CHSY1: variants seen among roughly 807,000 people sequenced by gnomAD.
CHSY1 encodes N-acetylgalactosaminyl-proteoglycan 3-beta-glucuronosyltransferase 1.
In CHSY1, 13 loss-of-function variants were observed where a neutral mutation model predicts 59.8. The observed-to-expected ratio is 0.22, with a 90% CI of 0.14 to 0.35. The LOEUF (loss-of-function observed/expected upper bound fraction) is 0.35. CHSY1 is among the 10% of genes least tolerant of loss of function. The pLI, the probability that CHSY1 is intolerant of heterozygous loss-of-function variation, is 1.00. For synonymous variants in CHSY1, 459 were observed against 401.2 expected (o/e 1.14, Z -1.72); for missense variants, 947 against 1,030.6 (o/e 0.92, Z 1.11).
chr15:101,232,449 C>A (rs2038901255), intron 2 of CHSY1, among the ~76,000 whole-genome samples: 1 of 152,136 alleles, frequency 6.6e-6, no homozygotes, highest in African/African-American at 2.4e-5. Flanking sequence ...AATCAAAGGT[C>A]TAATAAGATG....
chr15:101,234,204 G>A (rs1179259837), intron 2 of CHSY1, among the ~76,000 whole-genome samples: 1 of 152,188 alleles, frequency 6.6e-6, no homozygotes, highest in African/African-American at 2.4e-5. Flanking sequence ...GAAGTTGCAC[G>A]ACAACTATTC....
In CHSY1 at chr15:101,215,545, G is replaced by C. The variant is rs559859765; in HGVS notation, c.816+19537C>G. On this transcript the variant is annotated intron_variant, in intron 2 of 2. Transcript: ENST00000254190. ...AGGTCAGCAGTTCAAGACCAGCCTG[G>C]CCAACATGGCAAAACCCCGTCTCTA... Among the ~76,000 whole-genome samples, 16 of 152,326 alleles carry C rather than the reference G, an allele frequency of 1.1e-4. No homozygotes were observed. The South Asian group carries it at 3.3e-3, about 32-fold the overall frequency.
chr15:101,188,115 C>G, intron 2 of CHSY1: 5 of 985,446 alleles, frequency 5.1e-6, no homozygotes, highest in Non-Finnish European at 6.0e-6. Flanking sequence ...GTACACGGTT[C>G]AGCCTCAGCT....
At chr15:101,217,622 A>T (rs1038427284) in intron 2 of CHSY1, among the ~76,000 whole-genome samples, 1 of 152,192 alleles carries the variant, frequency 6.6e-6, no homozygotes, top group Non-Finnish European at 1.5e-5. Context: ...GGATGGAGGG[A>T]GGGAGGACCG....
At position 101,178,597 on chromosome 15, in the gene CHSY1, G is replaced by C; in HGVS notation, c.1200C>G (p.Ala400=). 1 of 1,614,184 alleles carries C rather than the reference G, an allele frequency of 6.2e-7. No individual in the cohort carries two copies. Among genetic ancestry groups the C allele is most frequent in the South Asian group, 1.1e-5 (1 of 91,082 alleles). ...CAATGTCGTCCAAGGCTTCCCTCTGGGCGGAGTCCATTCCTCTTCGAGGGG... is the reference window on the plus strand; with the variant it reads ...CAATGTCGTCCAAGGCTTCCCTCTGCGCGGAGTCCATTCCTCTTCGAGGGG... ...GQPPRRGMDS[A]QREALDDIVM... is the part of the protein sequence containing the mutation. The change falls in exon 3 of 3, where the codon GCC becomes GCG. Residue 400 remains alanine (A), a synonymous_variant. Transcript: ENST00000254190.
At chr15:101,180,547 C>T (rs756974775) in intron 2 of CHSY1, among the ~76,000 whole-genome samples, 68 of 152,208 alleles carry the variant, frequency 4.5e-4, no homozygotes, top group Non-Finnish European at 8.2e-4. Flanking sequence ...CCATGCAGCA[C>T]ACAGGGCACA....
chr15:101,215,019 G>A (rs1439508589), intron 2 of CHSY1, among the ~76,000 whole-genome samples: 1 of 152,130 alleles, frequency 6.6e-6, no homozygotes, highest in African/African-American at 2.4e-5. Flanking sequence ...GCTTTCTCTT[G>A]CTTCTGCTCC....
intron 2 of CHSY1, among the ~76,000 whole-genome samples, chr15:101,222,153 C>G (rs1012883856): frequency 6.6e-6 from 1 of 152,204 alleles, no homozygotes; most frequent in Non-Finnish European, 1.5e-5. Context: ...ACCTTTCTGT[C>G]TCAGAGTTCT....
At chr15:101,223,391 C>A (rs2076742210) in intron 2 of CHSY1, among the ~76,000 whole-genome samples, 1 of 152,250 alleles carries the variant, frequency 6.6e-6, no homozygotes, top group African/African-American at 2.4e-5. Context: ...TATAACCAGA[C>A]CACATGAACA....
intron 2 of CHSY1, among the ~76,000 whole-genome samples, chr15:101,208,973 T>C (rs578212322): frequency 6.6e-6 from 1 of 152,300 alleles, no homozygotes; most frequent in African/African-American, 2.4e-5. Flanking sequence ...CATCACACTA[T>C]TCATTTATTC....
intron 2 of CHSY1, among the ~76,000 whole-genome samples, chr15:101,230,467 C>T (rs151013114): frequency 3.9e-5 from 6 of 152,282 alleles, no homozygotes; most frequent in Admixed American, 1.3e-4. Flanking sequence ...ACATGTCAAC[C>T]TTCCTGATTT....
intron 2 of CHSY1, chr15:101,189,458 T>G (rs906570659): frequency 1.0e-6 from 1 of 985,468 alleles, no homozygotes; most frequent in Admixed American, 6.1e-5. Flanking sequence ...CCAGAAGGGA[T>G]GGAGCTCGGG....
In CHSY1 at chr15:101,177,761, A is replaced by G. The variant is rs754721596; in HGVS notation, c.2036T>C (p.Phe679Ser). 6.2e-7 allele frequency: 1 copy of G among 1,614,114 alleles called. No homozygotes were observed. Among genetic ancestry groups the G allele is most frequent in the Non-Finnish European group, 8.5e-7 (1 of 1,180,046 alleles). The change falls in exon 3 of 3, where the codon TTT becomes TCT. Residue 679 changes from phenylalanine to serine, a missense_variant. By Grantham distance (155) the Phe-to-Ser change is radical (BLOSUM62 -2). Around this residue, in one of 4 missense-constraint regions of CHSY1, gnomAD observed 602 missense variants for 676.9 expected, o/e 0.89. Transcript: ENST00000254190. ...YSGKVPSDNH[F>S]AFTQKTGFWR... ...GAAGCCAGTTTTCTGAGTAAAGGCA[A>G]AATGGTTGTCACTGGGAACTTTCCC...
chr15:101,204,456 T>C (rs1320540440), intron 2 of CHSY1, among the ~76,000 whole-genome samples: 1 of 144,736 alleles, frequency 6.9e-6, no homozygotes, highest in East Asian at 1.9e-4. Context: ...ATAATAATAA[T>C]AATAATAATA....
intron 1 of CHSY1, among the ~76,000 whole-genome samples, chr15:101,241,062 T>C (rs1462691321): frequency 1.3e-5 from 2 of 152,212 alleles, no homozygotes; most frequent in African/African-American, 4.8e-5. Flanking sequence ...ACCGTGGTTA[T>C]TTTTGGATGG....
chr15:101,195,560 G>A (rs949602387), intron 2 of CHSY1, among the ~76,000 whole-genome samples: 4 of 152,224 alleles, frequency 2.6e-5, no homozygotes, highest in Non-Finnish European at 4.4e-5. Context: ...GGTGGCCCAT[G>A]CCTCTAATCC....
chr15:101,231,150 A>C (rs959369335), intron 2 of CHSY1, among the ~76,000 whole-genome samples: 10 of 152,154 alleles, frequency 6.6e-5, no homozygotes, highest in African/African-American at 2.4e-4. Context: ...CCTCAGCGTG[A>C]GTGAATTGAG....
intron 2 of CHSY1, among the ~76,000 whole-genome samples, chr15:101,202,775 G>A (rs2038587199): frequency 6.6e-6 from 1 of 152,218 alleles, no homozygotes; most frequent in Non-Finnish European, 1.5e-5. Flanking sequence ...GGGATTTTGG[G>A]AGAGGTGGTT....
intron 2 of CHSY1, among the ~76,000 whole-genome samples, chr15:101,198,111 C>T (rs2038528436): frequency 6.6e-6 from 1 of 152,016 alleles, no homozygotes; most frequent in Non-Finnish European, 1.5e-5. Context: ...AACCAAGACC[C>T]CCCCAAGCAG....
Sources: gnomAD v4.1 joint callset for allele counts (sites outside exome capture counted in the v4.1 genomes callset) on GRCh38, gnomAD v4.1.1 for gene constraint, gnomAD v4.1.1 regional missense constraint, MANE v1.5 for transcripts, NCBI Gene and HGNC (gene_info 2026-07-23, HGNC 2026-07-21) for gene names.